Variants in SLC4A10 observed in about 807,000 individuals in gnomAD.
SLC4A10 encodes the protein sodium-driven chloride bicarbonate exchanger.
SLC4A10 carries 42 observed loss-of-function variants against 137.7 expected under a neutral mutation model. The observed-to-expected ratio is 0.30, with a 90% CI of 0.24 to 0.39. The LOEUF (loss-of-function observed/expected upper bound fraction) is 0.39, where lower values mean the gene tolerates loss of function less well. Ranked by LOEUF, SLC4A10 falls within the 10% of genes least tolerant of loss-of-function variation. SLC4A10 has a pLI of 1.00. For synonymous variants in SLC4A10, 474 were observed against 464.1 expected, an observed-to-expected ratio of 1.02 and a Z score of -0.27; for missense variants, 925 against 1,355.0, an observed-to-expected ratio of 0.68 and a Z score of 4.98.
At chr2:161,761,230 A>G (rs1242002215) in intron 1 of SLC4A10, among the ~76,000 whole-genome samples, 3 of 152,070 alleles carry the variant, frequency 2.0e-5, no homozygotes, top group Admixed American at 2.0e-4. Flanking sequence ...GATGCCTTCC[A>G]GAATGGGAGA....
At chr2:161,666,122 C>G (rs185058427) in intron 1 of SLC4A10, among the ~76,000 whole-genome samples, 64 of 151,236 alleles carry the variant, frequency 4.2e-4, no homozygotes, top group African/African-American at 1.5e-3. Flanking sequence ...AAAAAAAGGA[C>G]AGGTATCATA....
intron 1 of SLC4A10, among the ~76,000 whole-genome samples, chr2:161,682,154 T>G (rs2040924715): frequency 6.6e-6 from 1 of 152,130 alleles, no homozygotes; most frequent in Non-Finnish European, 1.5e-5. Flanking sequence ...GGGAAAAGGA[T>G]TCCATGTCGA....
chr2:161,624,453 C>T lies in SLC4A10; in HGVS notation c.-66C>T. 6 of 1,549,978 alleles carry T rather than the reference C, an allele frequency of 3.9e-6. No individual in the cohort carries two copies. The highest frequency in any genetic ancestry group is 5.2e-6 in the Non-Finnish European group (6 of 1,145,908). On this transcript the variant is annotated 5_prime_UTR_variant, in exon 1 of 27. Coordinates refer to ENST00000446997, the MANE Select transcript of SLC4A10 (RefSeq NM_001178015.2). ...TCCGAATACTAAGCAGAGCGAGTGC[C>T]GGGCTGAGTGTAAGACACTGAAGAC...
intron 3 of SLC4A10, among the ~76,000 whole-genome samples, chr2:161,836,545 A>AG (rs2058797051): frequency 2.2e-5 from 1 of 45,302 alleles, no homozygotes; most frequent in Non-Finnish European, 4.5e-5. Context: ...AGAAAGAAAG[A>AG]AAGAAAGAAA....
At chr2:161,636,565 T>G (rs759815396) in intron 1 of SLC4A10, among the ~76,000 whole-genome samples, 4 of 151,814 alleles carry the variant, frequency 2.6e-5, no homozygotes, top group Non-Finnish European at 4.4e-5. Context: ...CCTGGCTAAT[T>G]TTTTTTGTAT....
At chr2:161,875,496 G>A (rs534300659) in intron 8 of SLC4A10, among the ~76,000 whole-genome samples, 1 of 152,222 alleles carries the variant, frequency 6.6e-6, no homozygotes, top group Admixed American at 6.5e-5. Flanking sequence ...GTGGATAGAC[G>A]TATCAAACTT....
chr2:161,755,185 A>C (rs573117590), intron 1 of SLC4A10, among the ~76,000 whole-genome samples: 13 of 152,270 alleles, frequency 8.5e-5, no homozygotes, highest in African/African-American at 2.9e-4. Flanking sequence ...TTTCCCCCTA[A>C]ATTTCTTCCA....
chr2:161,667,435 A>C (rs1291098091), intron 1 of SLC4A10, among the ~76,000 whole-genome samples: 1 of 151,660 alleles, frequency 6.6e-6, no homozygotes, highest in Non-Finnish European at 1.5e-5. Context: ...AAGACCTATG[A>C]AGAAGGTTAT....
intron 1 of SLC4A10, among the ~76,000 whole-genome samples, chr2:161,629,453 G>A (rs185298789): frequency 1.3e-5 from 2 of 151,326 alleles, no homozygotes; most frequent in Non-Finnish European, 3.0e-5. Context: ...TTAAGCAGAA[G>A]GTACAGAGAT....
At chr2:161,922,684 A>G (rs1300925092) in intron 15 of SLC4A10, among the ~76,000 whole-genome samples, 1 of 152,224 alleles carries the variant, frequency 6.6e-6, no homozygotes, top group African/African-American at 2.4e-5. Flanking sequence ...ATTATGGTAG[A>G]AAGACTATGA....
At chr2:161,733,334 T>A (rs945549977) in intron 1 of SLC4A10, among the ~76,000 whole-genome samples, 2 of 152,158 alleles carry the variant, frequency 1.3e-5, no homozygotes, top group African/African-American at 4.8e-5. Context: ...ACTCCAGCCA[T>A]GGCTGAAAGG....
intron 6 of SLC4A10, among the ~76,000 whole-genome samples, chr2:161,868,355 A>C (rs1159535321): frequency 1.3e-5 from 2 of 151,914 alleles, no homozygotes; most frequent in East Asian, 3.9e-4. Flanking sequence ...TGACTTTACC[A>C]GTCTCACAAT....
chr2:161,722,260 C>T (rs1024956885), intron 1 of SLC4A10, among the ~76,000 whole-genome samples: 12 of 152,190 alleles, frequency 7.9e-5, no homozygotes, highest in African/African-American at 2.9e-4. Context: ...GAGAGAGGCA[C>T]TCTGGCTTTT....
Position 161,905,840 on chromosome 2 carries a change from A to G in SLC4A10, c.1950A>G (p.Ala650=), listed in dbSNP as rs770820076. Reference sequence around the variant, plus strand: ...AGAAGTTGTTTGAACTCAGTGAAGCATATCCAATCAACATGCATAATGATC... The same window carrying G: ...AGAAGTTGTTTGAACTCAGTGAAGCGTATCCAATCAACATGCATAATGATC... ...ALEKLFELSE[A]YPINMHNDLE... Residue 650 remains alanine (A), a synonymous_variant, in exon 15 of 27, where the codon GCA becomes GCG. Coordinates refer to ENST00000446997, the MANE Select transcript of SLC4A10 (RefSeq NM_001178015.2). The G allele has an allele frequency of 4.3e-6, 7 of 1,613,774 alleles. No homozygotes were observed. The African/African-American group carries it at 5.3e-5, about 12-fold the overall frequency.
chr2:161,803,789 C>T (rs946515839), intron 2 of SLC4A10, among the ~76,000 whole-genome samples: 1 of 152,044 alleles, frequency 6.6e-6, no homozygotes, highest in Admixed American at 6.6e-5. Flanking sequence ...GTACTGAACC[C>T]TATATATACT....
At chr2:161,958,761 A>G (rs1696105390) in intron 21 of SLC4A10, among the ~76,000 whole-genome samples, 1 of 152,210 alleles carries the variant, frequency 6.6e-6, no homozygotes, top group South Asian at 2.1e-4. Context: ...ACTTTTCTTT[A>G]TCATAAGTAT....
At position 161,696,028 on chromosome 2, in the gene SLC4A10, C is replaced by T. The variant is rs982118668; in HGVS notation, c.48+71462C>T. ...GCTGCACCCATTAACTCATCATTTA[C>T]ATTAGATATATCTCCTAATGCTATC... is the stretch of plus-strand genomic sequence containing the variant. On this transcript the variant is annotated intron_variant, in intron 1 of 26. Transcript: ENST00000446997. 4.7e-5 allele frequency among the ~76,000 whole-genome samples: 7 copies of T among 149,672 alleles called. 1 individual carries two copies. Among genetic ancestry groups the T allele is most frequent in the African/African-American group, 1.7e-4 (7 of 40,600 alleles).
intron 1 of SLC4A10, among the ~76,000 whole-genome samples, chr2:161,742,412 T>G (rs1420992112): frequency 6.6e-6 from 1 of 151,390 alleles, no homozygotes; most frequent in Non-Finnish European, 1.5e-5. Context: ...TTCTCCTTTC[T>G]TTTTTCTTTT....
At chr2:161,877,958 A>T (rs531784008) in intron 8 of SLC4A10, among the ~76,000 whole-genome samples, 1 of 152,280 alleles carries the variant, frequency 6.6e-6, no homozygotes, top group East Asian at 1.9e-4. Context: ...TGGAAAGATT[A>T]ATTAGTTACA....
Sources: gnomAD v4.1 joint callset for allele counts (sites outside exome capture counted in the v4.1 genomes callset) on GRCh38, gnomAD v4.1.1 for gene constraint, MANE v1.5 for transcripts, NCBI Gene and HGNC (gene_info 2026-07-23, HGNC 2026-07-21) for gene names.